Variants in AFM observed in about 807,000 individuals in gnomAD.
The protein encoded by AFM is afamin.
AFM carries 82 observed loss-of-function variants against 68.7 expected under a neutral mutation model. The ratio of observed to expected loss-of-function variants is 1.19; its 90% CI spans 1.00 to 1.43. The LOEUF (loss-of-function observed/expected upper bound fraction) is 1.43. Ranked by LOEUF, AFM falls within the 40% of genes most tolerant of loss-of-function variation. AFM has a pLI of 0.00. For missense variants in AFM, 772 were observed against 701.8 expected (o/e 1.10, Z -1.13); for synonymous variants, 250 against 234.2 (o/e 1.07, Z -0.61).
chr4:73,491,781 G>A (rs1280370424), intron 7 of AFM, 91 bp from the exon 8 acceptor site: 1 of 1,039,456 alleles, frequency 9.6e-7, no homozygotes, highest in Admixed American at 2.3e-5. Context: ...TCCAGATGCT[G>A]CGATCATGAC....
chr4:73,501,428 A>G (rs1479883820), intron 12 of AFM, among the ~76,000 whole-genome samples: 1 of 152,126 alleles, frequency 6.6e-6, no homozygotes, highest in Non-Finnish European at 1.5e-5. Context: ...TGAAATATAC[A>G]ATAAATTACT....
At position 73,491,842 on chromosome 4, in the gene AFM, A is replaced by T. The variant is rs552342507; in HGVS notation, c.844-30A>T. 3.6e-5 allele frequency: 57 copies of T among 1,582,812 alleles called. No homozygotes were observed. In the East Asian group the frequency reaches 1.2e-3, roughly 34 times the overall value. Reference sequence around the variant, plus strand: ...ATGGAAGAAAACCCAGCCTGAAAGTAAAATAATCTCTCATTCTTATTTGGT... The same window carrying T: ...ATGGAAGAAAACCCAGCCTGAAAGTTAAATAATCTCTCATTCTTATTTGGT... On this transcript the variant is annotated intron_variant, in intron 7 of 14. Transcript: ENST00000226355.
chr4:73,487,781 G>A lies in AFM; in HGVS notation c.673G>A (p.Gly225Arg). 6.2e-7 allele frequency: 1 copy of A among 1,613,126 alleles called. No homozygotes were observed. Among genetic ancestry groups the A allele is most frequent in the Non-Finnish European group, 8.5e-7 (1 of 1,179,408 alleles). ...TTCTTCTTATCAAAAACATGTCTGT[G>A]GGGCACTTTTGAAATTTGGAACCAA... is the stretch of plus-strand genomic sequence containing the variant. ...AFSSYQKHVC[G>R]ALLKFGTKVV... The change falls in exon 6 of 15, where the codon GGG becomes AGG. Residue 225 changes from glycine to arginine, a missense_variant. Gly to Arg is a moderately radical substitution (Grantham distance 125). Transcript: ENST00000226355.
In AFM at chr4:73,495,442, A is replaced by G. The variant is rs1001540063; in HGVS notation, c.1191+10A>G. 2.5e-6 allele frequency: 4 copies of G among 1,603,698 alleles called. No homozygotes were observed. The highest frequency in any genetic ancestry group is 2.5e-6 in the Non-Finnish European group (3 of 1,177,638). On this transcript the variant is annotated intron_variant, in intron 9 of 14. Coordinates refer to ENST00000226355, the MANE Select transcript of AFM (RefSeq NM_001133.2). ...TTGTTACCGTTACGCGGTAGGTTCC[A>G]TTGTTGTAGGTTCAGAAAATCAAAA...
chr4:73,484,518 C>CTTCT (rs1553894034), intron 3 of AFM, 128 bp downstream of exon 3: 12 of 737,036 alleles, frequency 1.6e-5, no homozygotes, highest in East Asian at 6.9e-5. Flanking sequence ...TTCTTTCTTT[C>CTTCT]TTCTTTCTTT....
chr4:73,491,976 CT>C lies in AFM; in HGVS notation c.949del (p.Ser317GlnfsTer12). 6.2e-7 allele frequency: 1 copy of C among 1,613,904 alleles called. No individual in the cohort carries two copies. The highest frequency in any genetic ancestry group is 2.2e-5 in the East Asian group (1 of 44,858). ...IPERGQCIIN[S>X]NKDDRPKDLS... ...CAGAGCGCGGCCAGTGCATAATTAA[CT>C]CAAACAAAGATGATAGACCAAAGGA... is the stretch of plus-strand genomic sequence containing the variant. On this transcript the variant is annotated frameshift_variant, in exon 8 of 15. Coordinates refer to ENST00000226355, the MANE Select transcript of AFM (RefSeq NM_001133.2). LOFTEE classifies it high-confidence loss of function.
intron 4 of AFM, among the ~76,000 whole-genome samples, chr4:73,486,375 C>T (rs1196230331): frequency 6.6e-6 from 1 of 152,160 alleles, no homozygotes; most frequent in Non-Finnish European, 1.5e-5. Context: ...AAATAATATA[C>T]TCTTCCCAAG....
At position 73,500,611 on chromosome 4, in the gene AFM, A is replaced by G. The variant is rs527300593; in HGVS notation, c.1646+384A>G. Among the ~76,000 whole-genome samples the G allele has an allele frequency of 1.4e-3, 214 of 152,298 alleles. 3 individuals carry two copies. In the Middle Eastern group the frequency reaches 0.027, roughly 19 times the overall value. On this transcript the variant is annotated intron_variant, in intron 12 of 14. Coordinates refer to ENST00000226355, the MANE Select transcript of AFM (RefSeq NM_001133.2). ...CAGGAAGTTTACTTTCATTTTCTCA[A>G]TAAATGCTTTAAAATGCCAGGAAAT...
At chr4:73,485,630 AAAG>A (rs1221763901) in intron 3 of AFM, among the ~76,000 whole-genome samples, 1 of 93,124 alleles carries the variant, frequency 1.1e-5, no homozygotes, top group South Asian at 4.0e-4. Context: ...AGAAGAAGAA[AAAG>A]AAGAGGAAGA....
intron 10 of AFM, 79 bp from the exon 11 acceptor site, chr4:73,499,035 G>A: frequency 1.3e-6 from 2 of 1,485,772 alleles, no homozygotes; most frequent in Non-Finnish European, 1.8e-6. Context: ...AGCCTTGAAG[G>A]GTCTGGGCTT....
chr4:73,497,910 C>T (rs1213361384), intron 10 of AFM, among the ~76,000 whole-genome samples, 161 bp downstream of exon 10: 1 of 152,174 alleles, frequency 6.6e-6, no homozygotes, highest in East Asian at 1.9e-4. Context: ...TGAACTGTCA[C>T]ATTAATCTTT....
At chr4:73,501,485 A>G (rs919324647) in intron 12 of AFM, among the ~76,000 whole-genome samples, 2 of 152,054 alleles carry the variant, frequency 1.3e-5, no homozygotes, top group African/African-American at 4.8e-5. Flanking sequence ...AGAACTTATT[A>G]CTGCTATCTA....
intron 9 of AFM, among the ~76,000 whole-genome samples, chr4:73,496,086 G>C (rs1228028671): frequency 6.6e-6 from 1 of 152,158 alleles, no homozygotes; most frequent in Non-Finnish European, 1.5e-5. Context: ...TTGCCACAAA[G>C]GGAGCGGCTT....
intron 13 of AFM, among the ~76,000 whole-genome samples, chr4:73,502,726 T>G (rs752203630): frequency 1.3e-5 from 2 of 152,150 alleles, no homozygotes; most frequent in Non-Finnish European, 2.9e-5. Context: ...GACACTTAGT[T>G]TGTGGAAATT....
chr4:73,483,925 T>C lies in AFM; in HGVS notation c.89-16T>C, dbSNP rs1720782118. 1.3e-6 allele frequency: 2 copies of C among 1,513,732 alleles called. No individual in the cohort carries two copies. Among genetic ancestry groups the C allele is most frequent in the Non-Finnish European group, 1.8e-6 (2 of 1,107,152 alleles). The allele number at this position is 1,513,732 out of a possible 1,614,324, so 93.8% of individuals were successfully genotyped here. ...AAACCATGCTATGTAATAACCTAAATATTCTTGCTTTTCAGAGAACTTCAA... is the reference window on the plus strand; with the variant it reads ...AAACCATGCTATGTAATAACCTAAACATTCTTGCTTTTCAGAGAACTTCAA... On this transcript the variant is annotated splice_polypyrimidine_tract_variant and intron_variant, in intron 1 of 14. Transcript: ENST00000226355.
At chr4:73,490,803 A>G (rs1026430323) in intron 7 of AFM, among the ~76,000 whole-genome samples, 2 of 152,188 alleles carry the variant, frequency 1.3e-5, no homozygotes, top group Non-Finnish European at 2.9e-5. Context: ...AAATAGAAGT[A>G]ACTTCCCAGA....
intron 14 of AFM, 54 bp downstream of exon 14, chr4:73,503,164 T>A: frequency 1.5e-6 from 2 of 1,366,242 alleles, no homozygotes; most frequent in Non-Finnish European, 2.1e-6. Context: ...TTATCTGATC[T>A]CCTTGCCTTT....
chr4:73,493,103 A>T (rs563046859), intron 8 of AFM, among the ~76,000 whole-genome samples: 1 of 152,154 alleles, frequency 6.6e-6, no homozygotes, highest in South Asian at 2.1e-4. Flanking sequence ...GGTAATCTAG[A>T]TAGGTAGAGC....
intron 9 of AFM, among the ~76,000 whole-genome samples, chr4:73,497,355 GTTA>G (rs1212295527): frequency 5.9e-5 from 9 of 152,140 alleles, no homozygotes; most frequent in Non-Finnish European, 4.4e-5. Flanking sequence ...ACAACTGAAT[GTTA>G]TTATTTTCAA....
Sources: allele counts gnomAD v4.1 joint callset (sites outside exome capture counted in the v4.1 genomes callset), GRCh38; gene constraint gnomAD v4.1.1; transcripts MANE v1.5; gene names NCBI Gene and HGNC (gene_info 2026-07-23, HGNC 2026-07-21).